Variants in RPS6KC1 observed in about 807,000 individuals in gnomAD.
The protein encoded by RPS6KC1 is ribosomal protein S6 kinase C1.
RPS6KC1 carries 54 observed loss-of-function variants against 103.8 expected under a neutral mutation model. The observed-to-expected ratio is 0.52, with a 90% CI of 0.42 to 0.65. The LOEUF (loss-of-function observed/expected upper bound fraction) is 0.65. Among genes scored for constraint, RPS6KC1 ranks in the 30% least tolerant of loss-of-function variants. The pLI is 0.00. For synonymous variants in RPS6KC1, 439 were observed against 438.7 expected (o/e 1.00, Z -0.01); for missense variants, 1,151 against 1,253.8 (o/e 0.92, Z 1.24).
chr1:213,844,522 A>G, the RPS6KC1 span, among the ~76,000 whole-genome samples: 9 of 152,218 alleles, frequency 5.9e-5, no homozygotes, highest in African/African-American at 1.2e-4. Flanking sequence ...AAAAATTAGA[A>G]TATGCTGAAA....
At chr1:213,413,582 C>T in the RPS6KC1 span, among the ~76,000 whole-genome samples, 6 of 152,106 alleles carry the variant, frequency 3.9e-5, no homozygotes, top group Admixed American at 1.3e-4. Flanking sequence ...TACTGGCAGG[C>T]GCCCTCAGTT....
intron 8 of RPS6KC1, among the ~76,000 whole-genome samples, chr1:213,181,790 G>T (rs1277650247): frequency 6.6e-6 from 1 of 152,152 alleles, no homozygotes; most frequent in Non-Finnish European, 1.5e-5. Context: ...ATGAAGAAAT[G>T]CAAAGAGAAT....
chr1:213,701,471 AT>A, the RPS6KC1 span, among the ~76,000 whole-genome samples: 1 of 151,874 alleles, frequency 6.6e-6, no homozygotes, highest in African/African-American at 2.4e-5. Context: ...TTTGTTGAGG[AT>A]TTTTGTATTA....
At chr1:213,640,625 A>C in the RPS6KC1 span, among the ~76,000 whole-genome samples, 1 of 151,830 alleles carries the variant, frequency 6.6e-6, no homozygotes, top group African/African-American at 2.4e-5. Flanking sequence ...ATGCAGTCCC[A>C]TTGAGACTTC....
At chr1:213,592,618 C>G in the RPS6KC1 span, among the ~76,000 whole-genome samples, 1 of 152,136 alleles carries the variant, frequency 6.6e-6, no homozygotes, top group Non-Finnish European at 1.5e-5. Flanking sequence ...TTTGTAACCA[C>G]TTTTTTAGCT....
At chr1:213,388,998 G>A in the RPS6KC1 span, among the ~76,000 whole-genome samples, 2 of 152,218 alleles carry the variant, frequency 1.3e-5, no homozygotes, top group African/African-American at 2.4e-5. Context: ...ATAGAGAGGG[G>A]GTTTGGGTAG....
the RPS6KC1 span, among the ~76,000 whole-genome samples, chr1:213,388,685 C>T: frequency 6.6e-6 from 1 of 152,150 alleles, no homozygotes; most frequent in Non-Finnish European, 1.5e-5. Context: ...TCGCTGGGAC[C>T]CTGTGCTAGT....
chr1:213,724,030 G>A, the RPS6KC1 span, among the ~76,000 whole-genome samples: 1 of 152,190 alleles, frequency 6.6e-6, no homozygotes, highest in Non-Finnish European at 1.5e-5. Context: ...CTGAGGAGCA[G>A]AAGCAGGATG....
At chr1:213,724,563 A>G in the RPS6KC1 span, among the ~76,000 whole-genome samples, 1 of 152,178 alleles carries the variant, frequency 6.6e-6, no homozygotes, top group South Asian at 2.1e-4. Flanking sequence ...CATTCACCCG[A>G]CAGCCTAGGA....
At chr1:213,174,220 G>C (rs1338473195) in intron 7 of RPS6KC1, among the ~76,000 whole-genome samples, 1 of 152,194 alleles carries the variant, frequency 6.6e-6, no homozygotes, top group Non-Finnish European at 1.5e-5. Flanking sequence ...TTCTTCCACT[G>C]TCTCTCTTCC....
the RPS6KC1 span, among the ~76,000 whole-genome samples, chr1:213,696,222 AG>A: frequency 6.6e-6 from 1 of 152,130 alleles, no homozygotes; most frequent in Non-Finnish European, 1.5e-5. Flanking sequence ...CTTCTTGGCC[AG>A]GCGTGGTGGC....
chr1:213,670,940 C>G, the RPS6KC1 span, among the ~76,000 whole-genome samples: 24 of 152,262 alleles, frequency 1.6e-4, no homozygotes, highest in South Asian at 4.0e-3. Context: ...TATTCCCTCT[C>G]AGGGGTTTGG....
At chr1:213,576,505 A>G in the RPS6KC1 span, among the ~76,000 whole-genome samples, 1 of 151,344 alleles carries the variant, frequency 6.6e-6, no homozygotes, top group Non-Finnish European at 1.5e-5. Context: ...TTATTATTAT[A>G]TCTTTTATGG....
chr1:213,844,798 A>G, the RPS6KC1 span, among the ~76,000 whole-genome samples: 1 of 152,306 alleles, frequency 6.6e-6, no homozygotes, highest in South Asian at 2.1e-4. Context: ...TTCTTAAGCA[A>G]ATACACCACT....
the RPS6KC1 span, among the ~76,000 whole-genome samples, chr1:213,858,835 G>C: frequency 3.3e-5 from 5 of 152,162 alleles, no homozygotes; most frequent in Admixed American, 3.3e-4. Context: ...CCTACAGGAG[G>C]CTCACTCCAT....
At chr1:213,257,173 A>T (rs1309421633) in intron 12 of RPS6KC1, among the ~76,000 whole-genome samples, 3 of 152,084 alleles carry the variant, frequency 2.0e-5, no homozygotes, top group Non-Finnish European at 4.4e-5. Context: ...CCACTAACAC[A>T]TTTCATCTGG....
chr1:213,192,739 A>C (rs1210877627), intron 8 of RPS6KC1, among the ~76,000 whole-genome samples: 1 of 151,648 alleles, frequency 6.6e-6, no homozygotes, highest in Non-Finnish European at 1.5e-5. Context: ...CTTTTCTTTT[A>C]ATTATGGGTT....
chr1:213,410,019 G>A, the RPS6KC1 span, among the ~76,000 whole-genome samples: 1 of 152,148 alleles, frequency 6.6e-6, no homozygotes. Context: ...AAAAGTACTA[G>A]CCAAGTGTGG....
chr1:213,051,440 C>A lies in RPS6KC1; in HGVS notation c.36C>A (p.Ala12=). The change falls in exon 1 of 15, where the codon GCC becomes GCA. Residue 12 remains alanine, a synonymous_variant. Coordinates refer to ENST00000366960, the MANE Select transcript of RPS6KC1 (RefSeq NM_012424.6). ...ACCGGGAGCGGAGTGCCGACCTGGCCCGTTTCTACACTGTCACCGAGCCCC... is the reference window on the plus strand; with the variant it reads ...ACCGGGAGCGGAGTGCCGACCTGGCACGTTTCTACACTGTCACCGAGCCCC... ...TSYRERSADL[A]RFYTVTEPQR... 6.2e-7 allele frequency: 1 copy of A among 1,613,808 alleles called. No homozygotes were observed. Among genetic ancestry groups the A allele is most frequent in the Non-Finnish European group, 8.5e-7 (1 of 1,179,936 alleles).
Sources: allele counts gnomAD v4.1 joint callset (sites outside exome capture counted in the v4.1 genomes callset), GRCh38; gene constraint gnomAD v4.1.1; transcripts MANE v1.5; gene names NCBI Gene and HGNC (gene_info 2026-07-23, HGNC 2026-07-21).